SUPT16H: variants seen among roughly 807,000 people sequenced by gnomAD.
SUPT16H encodes FACT complex subunit SPT16.
SUPT16H carries 24 observed loss-of-function variants against 136.2 expected under a neutral mutation model. The ratio of observed to expected loss-of-function variants is 0.18; its 90% confidence interval spans 0.13 to 0.25. The LOEUF is 0.25. Among genes scored for constraint, SUPT16H ranks in the 10% least tolerant of loss-of-function variants. The pLI, the probability that SUPT16H is intolerant of heterozygous loss-of-function variation, is 1.00. For synonymous variants in SUPT16H, 415 were observed against 428.2 expected, an observed-to-expected ratio of 0.97 and a Z score of 0.38; for missense variants, 623 against 1,270.2, an observed-to-expected ratio of 0.49 and a Z score of 7.74.
At chr14:21,357,465 A>C in intron 21 of SUPT16H, 99 bp from the exon 22 acceptor site, 1 of 1,277,778 alleles carries the variant, frequency 7.8e-7, no homozygotes, top group Non-Finnish European at 1.0e-6. Flanking sequence ...ATAAAAGATA[A>C]CTTAAGCTGT....
chr14:21,377,375 A>T (rs1886925764), intron 1 of SUPT16H, among the ~76,000 whole-genome samples: 1 of 152,236 alleles, frequency 6.6e-6, no homozygotes, highest in Non-Finnish European at 1.5e-5. Flanking sequence ...AGCCTTCTCA[A>T]AAGTAACACT....
At chr14:21,380,312 T>TTTTTTTTTTTTTA (rs1555311137) in intron 1 of SUPT16H, among the ~76,000 whole-genome samples, 2 of 149,824 alleles carry the variant, frequency 1.3e-5, no homozygotes, top group African/African-American at 2.5e-5. Context: ...TTTTTTTTTT[T>TTTTTTTTTTTTTA]AAAGAAATGG....
chr14:21,362,470 T>C, intron 14 of SUPT16H, 146 bp from the exon 15 acceptor site: 1 of 865,890 alleles, frequency 1.2e-6, no homozygotes, highest in East Asian at 2.9e-5. Context: ...TTTATCTTTT[T>C]AATAACGAAG....
At chr14:21,360,786 G>A (rs770754812) in intron 17 of SUPT16H, 60 bp downstream of exon 17, 50 of 1,568,498 alleles carry the variant, frequency 3.2e-5, no homozygotes, top group Non-Finnish European at 4.1e-5. Flanking sequence ...TATCTGATCT[G>A]TCATTCCTAA....
At chr14:21,362,684 C>G (rs1886582189) in intron 14 of SUPT16H, 110 bp downstream of exon 14, 1 of 1,268,994 alleles carries the variant, frequency 7.9e-7, no homozygotes, top group Non-Finnish European at 1.1e-6. Flanking sequence ...TGAACAGAGT[C>G]TGAAGGAGTC....
chr14:21,364,943 A>G lies in SUPT16H; in HGVS notation c.1121-4T>C, dbSNP rs771327529. 1 of 1,613,796 alleles carries G rather than the reference A, an allele frequency of 6.2e-7. No homozygotes were observed. Among genetic ancestry groups the G allele is most frequent in the Non-Finnish European group, 8.5e-7 (1 of 1,179,716 alleles). ...AAATTGATGCTGAAAACCATTCCTAAAACAGCAAAACAAGGATCAGTCTGT... is the reference window on the plus strand; with the variant it reads ...AAATTGATGCTGAAAACCATTCCTAGAACAGCAAAACAAGGATCAGTCTGT... On this transcript the variant is annotated splice_polypyrimidine_tract_variant and splice_region_variant and intron_variant, in intron 9 of 25. Transcript: ENST00000216297.
At chr14:21,380,096 A>T (rs1886990005) in intron 1 of SUPT16H, among the ~76,000 whole-genome samples, 1 of 152,152 alleles carries the variant, frequency 6.6e-6, no homozygotes. Flanking sequence ...ATTACCCCCT[A>T]AAAAATAAGT....
At position 21,352,737 on chromosome 14, in the gene SUPT16H, G is replaced by A. The variant is rs749689647; in HGVS notation, c.3080C>T (p.Ser1027Leu). 8 of 1,614,064 alleles carry A rather than the reference G, an allele frequency of 5.0e-6. No individual in the cohort carries two copies. The highest frequency in any genetic ancestry group is 1.7e-5 in the Admixed American group (1 of 60,002). The part of the protein sequence containing the change: ...SRKRKASVHS[S>L]GRGSNRGSRH... ...GGAACCACGGTTAGAGCCACGGCCC[G>A]AACTGTGCACAGATGCCTTCCTCTT... The change falls in exon 26 of 26, where the codon TCG (serine) becomes TTG (leucine). Residue 1027 changes from serine to leucine, a missense_variant. By Grantham distance (145) the Ser-to-Leu change is moderately radical. Around this residue, in one of 7 missense-constraint regions of SUPT16H, gnomAD observed 88 missense variants for 135.5 expected, o/e 0.65. Coordinates refer to ENST00000216297, the MANE Select transcript of SUPT16H (RefSeq NM_007192.4).
chr14:21,367,034 G>T (rs1191521025), intron 7 of SUPT16H, among the ~76,000 whole-genome samples: 1 of 152,014 alleles, frequency 6.6e-6, no homozygotes, highest in Non-Finnish European at 1.5e-5. Flanking sequence ...TCCACCTCCC[G>T]GATTCACGCC....
At chr14:21,375,177 T>A (rs1205952079) in intron 1 of SUPT16H, among the ~76,000 whole-genome samples, 8 of 151,964 alleles carry the variant, frequency 5.3e-5, no homozygotes, top group Non-Finnish European at 1.2e-4. Context: ...CACGCCCAGC[T>A]AATTTTTATA....
At chr14:21,353,595 T>C in intron 24 of SUPT16H, 30 bp from the exon 25 acceptor site, 1 of 1,611,428 alleles carries the variant, frequency 6.2e-7, no homozygotes, top group Non-Finnish European at 8.5e-7. Flanking sequence ...GCGTTAGTCA[T>C]CATGCGGGAA....
In SUPT16H at chr14:21,362,907, T is replaced by C; in HGVS notation, c.1552A>G (p.Met518Val). The change falls in exon 14 of 26, where the codon ATG becomes GTG. Residue 518 changes from methionine to valine, a missense_variant. Physicochemically the swap from Met to Val is conservative, Grantham distance 21 (BLOSUM62 1). Coordinates refer to ENST00000216297, the MANE Select transcript of SUPT16H (RefSeq NM_007192.4). ...TCCCGAATATGTGGTTCCTTAGGCA[T>C]CAGAGATGGGTTTTTATAGGACACA... Reference protein sequence around the residue: ...SNVSYKNPSLMPKEPHIREMK... With the variant: ...SNVSYKNPSLVPKEPHIREMK... 1 of 1,613,970 alleles carries C rather than the reference T, an allele frequency of 6.2e-7. No individual in the cohort carries two copies. The highest frequency in any genetic ancestry group is 1.1e-5 in the South Asian group (1 of 91,030).
At chr14:21,382,363 G>T (rs998796043) in intron 1 of SUPT16H, among the ~76,000 whole-genome samples, 1 of 152,206 alleles carries the variant, frequency 6.6e-6, no homozygotes, top group African/African-American at 2.4e-5. Context: ...AAAATGGTGG[G>T]TGGGAAATAA....
At position 21,366,474 on chromosome 14, in the gene SUPT16H, C is replaced by T. The variant is rs749285057; in HGVS notation, c.1011G>A (p.Lys337=). The T allele has an allele frequency of 6.2e-7, 1 of 1,614,092 alleles. No individual in the cohort carries two copies. The highest frequency in any genetic ancestry group is 1.1e-5 in the South Asian group (1 of 91,076). The change falls in exon 8 of 26, where the codon AAG becomes AAA. Residue 337 remains lysine, a synonymous_variant. Coordinates refer to ENST00000216297, the MANE Select transcript of SUPT16H (RefSeq NM_007192.4). ...NAVMDVVKKQ[K]PELLNKITKN... is the part of the protein sequence containing the mutation. ...TGGTAATTTTGTTCAGCAGTTCTGGCTTCTGCTTTTTAACCACGTCCATGA... is the reference window on the plus strand; with the variant it reads ...TGGTAATTTTGTTCAGCAGTTCTGGTTTCTGCTTTTTAACCACGTCCATGA...
Position 21,359,502 on chromosome 14 carries a change from A to G in SUPT16H, c.2283T>C (p.Asp761=). The G allele has an allele frequency of 6.2e-7, 1 of 1,613,966 alleles. No homozygotes were observed. The highest frequency in any genetic ancestry group is 8.5e-7 in the Non-Finnish European group (1 of 1,180,028). ...CACAAACCTGCTCAGCATAGAGGTC[A>G]TCTCGGTCATGCATATGCTGATGTT... The part of the protein sequence containing the change: ...LGKHQHMHDR[D]DLYAEQMERE... Residue 761 remains aspartate, a synonymous_variant, in exon 19 of 26, where the codon GAT becomes GAC. Coordinates refer to ENST00000216297, the MANE Select transcript of SUPT16H (RefSeq NM_007192.4).
chr14:21,373,670 A>G lies in SUPT16H; in HGVS notation c.67-240T>C, dbSNP rs192019702. On this transcript the variant is annotated intron_variant, in intron 1 of 25. Coordinates refer to ENST00000216297, the MANE Select transcript of SUPT16H (RefSeq NM_007192.4). ...CCAGATCTATGTTTCATAGTTCAGGAACACAGATCAGTGACAAACGTCCTG... is the reference window on the plus strand; with the variant it reads ...CCAGATCTATGTTTCATAGTTCAGGGACACAGATCAGTGACAAACGTCCTG... Among the ~76,000 whole-genome samples, 388 of 152,348 alleles carry G rather than the reference A, an allele frequency of 2.5e-3. 1 individual carries two copies. The highest frequency in any genetic ancestry group is 8.7e-3 in the African/African-American group (363 of 41,588).
intron 3 of SUPT16H, 73 bp from the exon 4 acceptor site, chr14:21,370,561 TAGA>T: frequency 6.7e-7 from 1 of 1,482,444 alleles, no homozygotes; most frequent in Non-Finnish European, 9.2e-7. Flanking sequence ...CAGTAACAGG[TAGA>T]ATAATATTCT....
At chr14:21,366,639 A>T in intron 7 of SUPT16H, 110 bp from the exon 8 acceptor site, 1 of 1,029,996 alleles carries the variant, frequency 9.7e-7, no homozygotes, top group South Asian at 1.5e-5. Flanking sequence ...CAAAGTGTGA[A>T]CTAAACAGTC....
chr14:21,379,541 T>C (rs558707420), intron 1 of SUPT16H, among the ~76,000 whole-genome samples: 1 of 151,478 alleles, frequency 6.6e-6, no homozygotes, highest in South Asian at 2.1e-4. Flanking sequence ...CATCTAACCC[T>C]CCTTACTCAG....
Sources: gnomAD v4.1 joint callset for allele counts (sites outside exome capture counted in the v4.1 genomes callset) on GRCh38, gnomAD v4.1.1 for gene constraint, gnomAD v4.1.1 regional missense constraint, MANE v1.5 for transcripts, NCBI Gene and HGNC (gene_info 2026-07-23, HGNC 2026-07-21) for gene names.